Variants in ZNF16 observed in about 807,000 individuals in gnomAD.
ZNF16 encodes the protein zinc finger protein 16, also known as zinc finger protein KOX9.
In ZNF16, 7 loss-of-function variants were observed where a neutral mutation model predicts 9.0. The ratio of observed to expected loss-of-function variants is 0.78; its 90% CI spans 0.44 to 1.47. The LOEUF (loss-of-function observed/expected upper bound fraction) is 1.47. Ranked by LOEUF, ZNF16 falls within the 40% of genes most tolerant of loss-of-function variation. The pLI is 0.01. For synonymous variants in ZNF16, 312 were observed against 301.5 expected (o/e 1.03, Z -0.36); for missense variants, 830 against 854.2 (o/e 0.97, Z 0.35).
At position 144,935,942 on chromosome 8, in the gene ZNF16, TTAACA is replaced by T. The variant is rs148102786; in HGVS notation, c.197-3357_197-3353del. On this transcript the variant is annotated intron_variant, in intron 2 of 2. Transcript: ENST00000394909. Reference sequence around the variant, plus strand: ...GATTTAAACATTTACTGAGGTGAAATTAACATAACATAAAATCATTCTAAAACGAA... The same window carrying T: ...GATTTAAACATTTACTGAGGTGAAATTAACATAAAATCATTCTAAAACGAA... Among the ~76,000 whole-genome samples the T allele has an allele frequency of 5.8e-3, 877 of 152,334 alleles. 3 individuals carry two copies. Among genetic ancestry groups the T allele is most frequent in the Middle Eastern group, 0.01 (3 of 294 alleles).
Position 144,932,444 on chromosome 8 carries a change from C to G in ZNF16, c.343G>C (p.Glu115Gln), listed in dbSNP as rs777689558. 1.2e-6 allele frequency: 2 copies of G among 1,614,214 alleles called. No individual in the cohort carries two copies. Among genetic ancestry groups the G allele is most frequent in the South Asian group, 2.2e-5 (2 of 91,082 alleles). ...CCTTCGGGGACTCCCCAGTCTCTTT[C>G]TGATACATCATCACACAGATCTCCA... is the stretch of plus-strand genomic sequence containing the variant. ...ELGDLCDDVS[E>Q]RDWGVPEGRR... is the part of the protein sequence containing the mutation. Residue 115 changes from glutamate (E) to glutamine (Q), a missense_variant, in exon 3 of 3, where the codon GAA becomes CAA. Coordinates refer to ENST00000394909, the MANE Select transcript of ZNF16 (RefSeq NM_006958.3). The surrounding 1 kb of genome is among the most constrained non-coding windows in gnomAD (Gnocchi z 5.0).
chr8:144,944,537 CCTCT>C (rs1833882449), intron 2 of ZNF16: 1 of 152,294 alleles, frequency 6.6e-6, no homozygotes, highest in Admixed American at 6.5e-5. Context: ...GTTTCTTTCA[CCTCT>C]CTGAGCATAT....
rs866358687 is a variant in ZNF16, at chr8:144,930,822, C to T, written c.1965G>A (p.Lys655=). Residue 655 remains lysine, a synonymous_variant, in exon 3 of 3, where the codon AAG becomes AAA. Coordinates refer to ENST00000394909, the MANE Select transcript of ZNF16 (RefSeq NM_006958.3). ...TCCCACAAGCAGCACAGTCATAGGGCTTCACCCCAGTGTGAATCCTCTGGT... is the reference window on the plus strand; with the variant it reads ...TCCCACAAGCAGCACAGTCATAGGGTTTCACCCCAGTGTGAATCCTCTGGT... The part of the protein sequence containing the change: ...IQHQRIHTGV[K]PYDCAACGKA... The T allele has an allele frequency of 1.3e-6, 2 of 1,585,834 alleles. No individual in the cohort carries two copies. Among genetic ancestry groups the T allele is most frequent in the Non-Finnish European group, 1.7e-6 (2 of 1,167,170 alleles).
chr8:144,933,913 C>T lies in ZNF16; in HGVS notation c.197-1323G>A, dbSNP rs1833616187. Among the ~76,000 whole-genome samples the T allele has an allele frequency of 6.6e-6, 1 of 152,170 alleles. No homozygotes were observed. The highest frequency in any genetic ancestry group is 2.4e-5 in the African/African-American group (1 of 41,438). ...CTGTCACCCACAGCCTGGATCACTC[C>T]CTGAAACAGGACTGCATCCCCCAAA... On this transcript the variant is annotated intron_variant, in intron 2 of 2. Coordinates refer to ENST00000394909, the MANE Select transcript of ZNF16 (RefSeq NM_006958.3). The surrounding 1 kb of genome is among the most constrained non-coding windows in gnomAD (Gnocchi z 5.6).
chr8:144,931,975 C>T lies in ZNF16; in HGVS notation c.812G>A (p.Gly271Glu), dbSNP rs765287294. ...GTCTGAGTGCCCTCGGAAGGCTTTC[C>T]CACATTCGCTGCACTGGTAAGCTTT... Reference protein sequence around the residue: ...SEKAYQCSECGKAFRGHSDFS... With the variant: ...SEKAYQCSECEKAFRGHSDFS... The change falls in exon 3 of 3, where the codon GGG becomes GAG. Residue 271 changes from glycine (G) to glutamate (E), a missense_variant. By Grantham distance (98) the Gly-to-Glu change is moderately conservative. Transcript: ENST00000394909. 1.2e-6 allele frequency: 2 copies of T among 1,613,962 alleles called. No individual in the cohort carries two copies. Among genetic ancestry groups the T allele is most frequent in the East Asian group, 4.5e-5 (2 of 44,852 alleles).
At chr8:144,938,646 C>CT (rs1311186800) in intron 2 of ZNF16, among the ~76,000 whole-genome samples, 2 of 152,140 alleles carry the variant, frequency 1.3e-5, no homozygotes, top group Non-Finnish European at 2.9e-5. Context: ...CCTCTAATAG[C>CT]TTTTTTGTGG....
At chr8:144,946,445 A>G (rs1050863633) in intron 1 of ZNF16, among the ~76,000 whole-genome samples, 1 of 151,852 alleles carries the variant, frequency 6.6e-6, no homozygotes, top group Non-Finnish European at 1.5e-5. Flanking sequence ...ACAAAGGGGC[A>G]AGATGCTGAC....
At chr8:144,943,215 T>A (rs1453549135) in intron 2 of ZNF16, among the ~76,000 whole-genome samples, 1 of 152,232 alleles carries the variant, frequency 6.6e-6, no homozygotes, top group East Asian at 1.9e-4. Flanking sequence ...AAAAACTGGC[T>A]AGAAATCTTA....
intron 1 of ZNF16, among the ~76,000 whole-genome samples, chr8:144,949,471 G>A (rs575795043): frequency 6.6e-6 from 1 of 152,324 alleles, no homozygotes; most frequent in Non-Finnish European, 1.5e-5. Context: ...AGAAAGATCA[G>A]ACTGTTACTG....
At position 144,931,198 on chromosome 8, in the gene ZNF16, G is replaced by C. The variant is rs754250535; in HGVS notation, c.1589C>G (p.Ser530Cys). 2 of 1,614,028 alleles carry C rather than the reference G, an allele frequency of 1.2e-6. No individual in the cohort carries two copies. The highest frequency in any genetic ancestry group is 1.7e-5 in the Admixed American group (1 of 59,996). Residue 530 changes from serine (S) to cysteine (C), a missense_variant, in exon 3 of 3, where the codon TCC becomes TGC. By Grantham distance (112) the Ser-to-Cys change is moderately radical (BLOSUM62 -1). Transcript: ENST00000394909. Reference protein sequence around the residue: ...HECGKTFGRSSNLILHQRVHT... With the variant: ...HECGKTFGRSCNLILHQRVHT... The stretch of plus-strand genomic sequence containing the variant: ...GACTCGCTGGTGAAGGATGAGGTTG[G>C]AGCTGCGACCAAAGGTCTTCCCACA...
intron 2 of ZNF16, among the ~76,000 whole-genome samples, chr8:144,941,880 A>G (rs571989382): frequency 6.2e-4 from 93 of 149,930 alleles, no homozygotes; most frequent in Non-Finnish European, 7.7e-4. Flanking sequence ...GGATGGTCTC[A>G]ATCTCCTGAC....
chr8:144,932,718 TC>T lies in ZNF16; in HGVS notation c.197-129del. 1 of 942,810 alleles carries T rather than the reference TC, an allele frequency of 1.1e-6. No homozygotes were observed. 58.4% of individuals were successfully genotyped at this position (942,810 alleles called of 1,614,324 possible). ...AGCAGGGGATCCTCTGGGGTGGCAG[TC>T]CAGATCAGAGGGCATCAGGGAGGGG... On this transcript the variant is annotated intron_variant, in intron 2 of 2. Transcript: ENST00000394909. The surrounding 1 kb of genome is among the most constrained non-coding windows in gnomAD (Gnocchi z 5.0).
chr8:144,944,094 G>T, intron 2 of ZNF16: 2 of 143,128 alleles, frequency 1.4e-5, no homozygotes, highest in African/African-American at 2.6e-5. Context: ...TTCTTGAGAC[G>T]GAGTCTCACT....
chr8:144,947,320 G>A (rs1323715094), intron 1 of ZNF16, among the ~76,000 whole-genome samples: 4 of 143,472 alleles, frequency 2.8e-5, no homozygotes, highest in East Asian at 2.1e-4. Flanking sequence ...ACCCTGCTGC[G>A]GGCCTGTATC....
At chr8:144,945,867 T>C in intron 2 of ZNF16, 144 bp downstream of exon 2, 1 of 1,425,962 alleles carries the variant, frequency 7.0e-7, no homozygotes, top group Non-Finnish European at 9.2e-7. Context: ...CTTGCTGACA[T>C]CCAGCCTTGG....
chr8:144,931,762 AT>A lies in ZNF16; in HGVS notation c.1024del (p.Ile342SerfsTer51). 2 of 1,614,008 alleles carry A rather than the reference AT, an allele frequency of 1.2e-6. No homozygotes were observed. Among genetic ancestry groups the A allele is most frequent in the Non-Finnish European group, 1.7e-6 (2 of 1,180,010 alleles). On this transcript the variant is annotated frameshift_variant, in exon 3 of 3. Coordinates refer to ENST00000394909, the MANE Select transcript of ZNF16 (RefSeq NM_006958.3). LOFTEE classifies it low-confidence loss of function (END_TRUNC). ...CACATACGGTTTCTCCCCAGAATGG[AT>A]TCTTTGATGTTGGATGAGGTTTGAG... ...RSSNLIQHQR[I>X]HSGEKPYVCS...
At chr8:144,934,786 T>A (rs1833641540) in intron 2 of ZNF16, among the ~76,000 whole-genome samples, 1 of 152,118 alleles carries the variant, frequency 6.6e-6, no homozygotes, top group Non-Finnish European at 1.5e-5. Flanking sequence ...CTGTGAAGGG[T>A]CAGAGAGGAG....
intron 2 of ZNF16, among the ~76,000 whole-genome samples, chr8:144,936,716 C>CTTATTTATTTATTTATTTATTTAT (rs61163374): frequency 6.6e-6 from 1 of 151,028 alleles, no homozygotes; most frequent in African/African-American, 2.4e-5. Context: ...TTCTTTGCCC[C>CTTATTTATTTATTTATTTATTTAT]TTATTTATTT....
In ZNF16 at chr8:144,940,103, G is replaced by A. The variant is rs144264044; in HGVS notation, c.196+5908C>T. 3.7e-3 allele frequency among the ~76,000 whole-genome samples: 560 copies of A among 150,974 alleles called. 5 individuals carry two copies. The highest frequency in any genetic ancestry group is 0.012 in the African/African-American group (510 of 41,148). On this transcript the variant is annotated intron_variant, in intron 2 of 2. Coordinates refer to ENST00000394909, the MANE Select transcript of ZNF16 (RefSeq NM_006958.3). ...TTTCTTTCCTTTTTTTTTGAGACAG[G>A]GTCTCACTCTCATTGCTCAGGCTGG... is the stretch of plus-strand genomic sequence containing the variant.
Sources: gnomAD v4.1 joint callset for allele counts (sites outside exome capture counted in the v4.1 genomes callset) on GRCh38, gnomAD v4.1.1 for gene constraint, Gnocchi (gnomAD v3.1) non-coding constraint, MANE v1.5 for transcripts, NCBI Gene and HGNC (gene_info 2026-07-23, HGNC 2026-07-21) for gene names.